The following CPAMD8 variants were observed in gnomAD, a reference collection of about 807,000 sequenced individuals.
CPAMD8 encodes C3 and PZP-like alpha-2-macroglobulin domain-containing protein 8.
In CPAMD8, 146 loss-of-function variants were observed where a neutral mutation model predicts 224.7. The observed-to-expected ratio is 0.65, with a 90% CI of 0.57 to 0.75. CPAMD8 has a LOEUF of 0.75. Among genes scored for constraint, CPAMD8 ranks in the 30% least tolerant of loss-of-function variants. The pLI, the probability that CPAMD8 is intolerant of heterozygous loss-of-function variation, is 0.00. For missense variants in CPAMD8, 2,301 were observed against 2,537.5 expected (o/e 0.91, Z 2.00); for synonymous variants, 966 against 1,044.6 (o/e 0.92, Z 1.45).
chr19:16,988,063 T>C (rs1468803243), intron 13 of CPAMD8, among the ~76,000 whole-genome samples: 4 of 152,198 alleles, frequency 2.6e-5, no homozygotes, highest in Admixed American at 2.6e-4. Context: ...ACACCTTATG[T>C]AATCAGAATT....
intron 30 of CPAMD8, among the ~76,000 whole-genome samples, chr19:16,906,225 T>C (rs749209293): frequency 2.6e-5 from 4 of 152,082 alleles, no homozygotes; most frequent in Non-Finnish European, 4.4e-5. Context: ...AACAAAGCAA[T>C]TGACAAGCAA....
chr19:16,969,617 C>T lies in CPAMD8; in HGVS notation c.2213+1274G>A, dbSNP rs547534621. 5.3e-5 allele frequency among the ~76,000 whole-genome samples: 8 copies of T among 152,204 alleles called. No homozygotes were observed. In the South Asian group the frequency reaches 8.3e-4, roughly 16 times the overall value. On this transcript the variant is annotated intron_variant, in intron 18 of 41. Coordinates refer to ENST00000443236, the MANE Select transcript of CPAMD8 (RefSeq NM_015692.5). Reference sequence around the variant, plus strand: ...ACTCTAGGCCGGGTGCAGAGGCTCACGCCTGTAATCCCAGCACTTTGAGAG... The same window carrying T: ...ACTCTAGGCCGGGTGCAGAGGCTCATGCCTGTAATCCCAGCACTTTGAGAG...
intron 27 of CPAMD8, 59 bp from the exon 28 acceptor site, chr19:16,914,872 G>T: frequency 7.6e-7 from 1 of 1,320,116 alleles, no homozygotes; most frequent in Non-Finnish European, 1.0e-6. Flanking sequence ...CCACATGCTG[G>T]CTGAGGGATT....
chr19:16,961,734 T>C (rs768407335), intron 18 of CPAMD8, among the ~76,000 whole-genome samples: 2 of 152,318 alleles, frequency 1.3e-5, no homozygotes, highest in Non-Finnish European at 2.9e-5. Flanking sequence ...CTGACCCCCA[T>C]GTAGCCTAAC....
chr19:16,896,377 A>T, intron 40 of CPAMD8, 51 bp from the exon 41 acceptor site: 1 of 1,537,414 alleles, frequency 6.5e-7, no homozygotes, highest in Admixed American at 2.0e-5. Flanking sequence ...AGGGGACCCA[A>T]GGGCCGAGGG....
At chr19:16,962,981 C>G (rs2054705345) in intron 18 of CPAMD8, among the ~76,000 whole-genome samples, 1 of 152,190 alleles carries the variant, frequency 6.6e-6, no homozygotes. Context: ...CCTTTACAGA[C>G]AAGCAAATGC....
chr19:16,938,766 C>T lies in CPAMD8; in HGVS notation c.2794-320G>A, dbSNP rs527509700. 6.5e-4 allele frequency among the ~76,000 whole-genome samples: 99 copies of T among 152,310 alleles called. 1 individual carries two copies. The highest frequency in any genetic ancestry group is 2.3e-3 in the Admixed American group (35 of 15,300). ...CTCCCAGCCACCCTCTTCCTCCCAT[C>T]TCCCTCTGGGCAGAGGACATCATGA... On this transcript the variant is annotated intron_variant, in intron 22 of 41. Coordinates refer to ENST00000443236, the MANE Select transcript of CPAMD8 (RefSeq NM_015692.5).
intron 27 of CPAMD8, among the ~76,000 whole-genome samples, chr19:16,919,283 G>A (rs548339233): frequency 5.9e-5 from 9 of 152,106 alleles, no homozygotes; most frequent in South Asian, 2.1e-4. Flanking sequence ...AACAAAAGGC[G>A]CTATGGCATC....
At position 16,997,298 on chromosome 19, in the gene CPAMD8, A is replaced by G. The variant is rs751501703; in HGVS notation, c.908T>C (p.Met303Thr). Reference sequence around the variant, plus strand: ...GTGCTCAGGGACGTCCGCTGGGATCATGTCCCTCACGCAGATGTCGAAGTC... The same window carrying G: ...GTGCTCAGGGACGTCCGCTGGGATCGTGTCCCTCACGCAGATGTCGAAGTC... ...SRDFDICVRD[M>T]IPADVPEHFR... The change falls in exon 11 of 42, where the codon ATG becomes ACG. Residue 303 changes from methionine (M) to threonine (T), a missense_variant. Met to Thr is a moderately conservative substitution (Grantham distance 81). Coordinates refer to ENST00000443236, the MANE Select transcript of CPAMD8 (RefSeq NM_015692.5). 1.3e-6 allele frequency: 2 copies of G among 1,584,420 alleles called. No individual in the cohort carries two copies. Among genetic ancestry groups the G allele is most frequent in the South Asian group, 2.3e-5 (2 of 88,802 alleles).
intron 22 of CPAMD8, 59 bp from the exon 23 acceptor site, chr19:16,938,505 A>G: frequency 1.1e-6 from 1 of 932,416 alleles, no homozygotes; most frequent in Non-Finnish European, 1.7e-6. Context: ...TGGTCAGCTC[A>G]GCGGAGCAGC....
chr19:16,958,548 T>C (rs1434863960), intron 18 of CPAMD8, among the ~76,000 whole-genome samples: 1 of 152,222 alleles, frequency 6.6e-6, no homozygotes, highest in East Asian at 1.9e-4. Flanking sequence ...TGATTCCAGG[T>C]CTTTGCTATT....
chr19:16,998,807 C>G (rs1255730986), intron 10 of CPAMD8, among the ~76,000 whole-genome samples: 1 of 152,142 alleles, frequency 6.6e-6, no homozygotes, highest in African/African-American at 2.4e-5. Context: ...TACCCTCTGA[C>G]CTAGCAATTC....
rs542572399 is a variant in CPAMD8 at position 16,920,429 on chromosome 19, G to A, written c.3629+1476C>T. 5.9e-5 allele frequency among the ~76,000 whole-genome samples: 9 copies of A among 152,184 alleles called. No homozygotes were observed. The Middle Eastern group carries it at 0.01, about 175-fold the overall frequency. The stretch of plus-strand genomic sequence containing the variant: ...CAGGGGGCGGAGCTTGCAGTGTGCC[G>A]AGATGGCGCCACTGCACTCCAGCCT... On this transcript the variant is annotated intron_variant, in intron 27 of 41. Coordinates refer to ENST00000443236, the MANE Select transcript of CPAMD8 (RefSeq NM_015692.5).
At chr19:17,015,830 A>G (rs2056796596) in intron 3 of CPAMD8, among the ~76,000 whole-genome samples, 1 of 152,166 alleles carries the variant, frequency 6.6e-6, no homozygotes, top group African/African-American at 2.4e-5. Context: ...GGCGGGCAAG[A>G]GACTATGCTG....
chr19:16,897,661 T>C, intron 39 of CPAMD8, 30 bp downstream of exon 39: 3 of 1,260,490 alleles, frequency 2.4e-6, no homozygotes, highest in Non-Finnish European at 3.3e-6. Context: ...CAGGCCGCGG[T>C]GGGGGGCGGC....
chr19:16,912,798 A>G (rs2052779421), intron 29 of CPAMD8, among the ~76,000 whole-genome samples: 1 of 152,146 alleles, frequency 6.6e-6, no homozygotes, highest in South Asian at 2.1e-4. Flanking sequence ...AAAAGTGTAC[A>G]TATCTTGTTG....
intron 35 of CPAMD8, among the ~76,000 whole-genome samples, chr19:16,901,928 G>C (rs943750829): frequency 6.6e-6 from 1 of 152,162 alleles, no homozygotes; most frequent in African/African-American, 2.4e-5. Flanking sequence ...TGAGAGTCAA[G>C]GTCAGGGCAG....
At chr19:16,957,657 A>G (rs923144864) in intron 19 of CPAMD8, 196 bp downstream of exon 19, 4 of 623,426 alleles carry the variant, frequency 6.4e-6, no homozygotes, top group Middle Eastern at 9.0e-4. Flanking sequence ...CATATTTCAC[A>G]GGCAAACGTC....
intron 29 of CPAMD8, among the ~76,000 whole-genome samples, chr19:16,914,117 A>G (rs1240035639): frequency 3.3e-5 from 5 of 152,032 alleles, no homozygotes; most frequent in Non-Finnish European, 7.4e-5. Flanking sequence ...ACTAGCCTGA[A>G]ATGATTCTCT....
Sources: gnomAD v4.1 joint callset for allele counts (sites outside exome capture counted in the v4.1 genomes callset) on GRCh38, gnomAD v4.1.1 for gene constraint, MANE v1.5 for transcripts, NCBI Gene and HGNC (gene_info 2026-07-23, HGNC 2026-07-21) for gene names.